The following RBMS2 variants were observed in gnomAD, a reference collection of about 807,000 sequenced individuals.
RBMS2 encodes the protein RNA-binding motif, single-stranded-interacting protein 2.
RBMS2 carries 38 observed loss-of-function variants against 58.4 expected under a neutral mutation model. The observed-to-expected ratio is 0.65, with a 90% CI of 0.50 to 0.85. The LOEUF is 0.85. Ranked by LOEUF, RBMS2 falls within the 40% of genes least tolerant of loss-of-function variation. The probability of loss-of-function intolerance (pLI) is 0.00; values close to 1 mark genes in which losing one functional copy is unlikely to be tolerated. For missense variants in RBMS2, 367 were observed against 503.7 expected, an observed-to-expected ratio of 0.73 and a Z score of 2.60; for synonymous variants, 151 against 180.7, an observed-to-expected ratio of 0.84 and a Z score of 1.32.
intron 1 of RBMS2, among the ~76,000 whole-genome samples, chr12:56,547,582 GAATT>G (rs982259003): frequency 6.6e-6 from 1 of 151,622 alleles, no homozygotes; most frequent in African/African-American, 2.4e-5. Flanking sequence ...TCACCCTCAG[GAATT>G]AATTGTGTCT....
At chr12:56,534,498 A>G (rs1874383297) in intron 1 of RBMS2, among the ~76,000 whole-genome samples, 1 of 152,102 alleles carries the variant, frequency 6.6e-6, no homozygotes, top group Non-Finnish European at 1.5e-5. Flanking sequence ...TTTGTCATAG[A>G]TTTACATCCT....
intron 5 of RBMS2, among the ~76,000 whole-genome samples, chr12:56,579,148 C>T (rs1445925031): frequency 2.0e-5 from 3 of 152,072 alleles, no homozygotes; most frequent in South Asian, 4.1e-4. Flanking sequence ...GATCATTAGC[C>T]GTCAGGAGCT....
chr12:56,581,115 T>C lies in RBMS2; in HGVS notation c.543-69T>C, dbSNP rs933315078. ...GGGGCTGGGAACTTAGAGCTTTGCT[T>C]TCTCTTTCAATGTGTGGAGAGCACA... is the stretch of plus-strand genomic sequence containing the variant. On this transcript the variant is annotated intron_variant, in intron 5 of 13. Coordinates refer to ENST00000262031, the MANE Select transcript of RBMS2 (RefSeq NM_002898.4). 3.8e-6 allele frequency: 5 copies of C among 1,318,438 alleles called. No homozygotes were observed. In the Admixed American group the frequency reaches 8.5e-5, roughly 23 times the overall value. The allele number at this position is 1,318,438 out of a possible 1,614,324, so 81.7% of individuals were successfully genotyped here.
intron 2 of RBMS2, among the ~76,000 whole-genome samples, chr12:56,564,810 C>G (rs1286445993): frequency 6.6e-6 from 1 of 152,136 alleles, no homozygotes; most frequent in Non-Finnish European, 1.5e-5. Context: ...CCCGTCTGTA[C>G]TAAAACTACA....
intron 2 of RBMS2, among the ~76,000 whole-genome samples, chr12:56,567,557 C>T (rs58084708): frequency 0.073 from 11,083 of 152,150 alleles, 633 homozygotes; most frequent in African/African-American, 0.14. Flanking sequence ...TTTCTTAGAG[C>T]TGGGCATGGT....
rs576246682 is a variant in RBMS2, at chr12:56,595,378, T to A, written c.*6245T>A. ...GGGTGGGTAAACACCTCTTTGCATG[T>A]GGACAGAAAATGTTTATACTTAAAC... On this transcript the variant is annotated 3_prime_UTR_variant, in exon 14 of 14. Coordinates refer to ENST00000262031, the MANE Select transcript of RBMS2 (RefSeq NM_002898.4). The A allele has an allele frequency of 6.6e-6, 1 of 152,174 alleles. No homozygotes were observed. 9.4% of individuals were successfully genotyped at this position (152,174 alleles called of 1,614,324 possible).
intron 12 of RBMS2, 85 bp from the exon 13 acceptor site, chr12:56,588,847 T>TGTAG: frequency 7.6e-7 from 1 of 1,316,716 alleles, no homozygotes; most frequent in South Asian, 1.2e-5. Flanking sequence ...GGGCACTCGA[T>TGTAG]GTAGGGTGGG....
intron 1 of RBMS2, among the ~76,000 whole-genome samples, chr12:56,526,255 C>T (rs1040487931): frequency 1.8e-4 from 28 of 151,570 alleles, no homozygotes; most frequent in African/African-American, 6.3e-4. Context: ...TGCAGTGAGC[C>T]GAGATTGTGC....
intron 1 of RBMS2, among the ~76,000 whole-genome samples, chr12:56,538,157 C>G (rs1217735434): frequency 6.6e-6 from 1 of 152,068 alleles, no homozygotes; most frequent in South Asian, 2.1e-4. Context: ...CTCAGCCTCC[C>G]GGGTAGCTGG....
chr12:56,590,535 A>G lies in RBMS2; in HGVS notation c.*1402A>G, dbSNP rs900117089. ...ATATTGCCAAGACTGGGAAACACTG[A>G]TATAGACAGTGTTGTCCCTGCCTCC... On this transcript the variant is annotated 3_prime_UTR_variant, in exon 14 of 14. Transcript: ENST00000262031. 7 of 152,142 alleles carry G rather than the reference A, an allele frequency of 4.6e-5. No homozygotes were observed. The highest frequency in any genetic ancestry group is 1.7e-4 in the African/African-American group (7 of 41,376). The allele number at this position is 152,142 out of a possible 1,614,324, so 9.4% of individuals were successfully genotyped here.
intron 1 of RBMS2, among the ~76,000 whole-genome samples, chr12:56,522,320 A>G (rs539307551): frequency 1.3e-5 from 2 of 152,224 alleles, no homozygotes; most frequent in African/African-American, 2.4e-5. Flanking sequence ...CAGGGGAATT[A>G]AAAACAAATC....
chr12:56,562,310 T>C (rs1434434704), intron 1 of RBMS2, 107 bp from the exon 2 acceptor site: 11 of 1,086,984 alleles, frequency 1.0e-5, no homozygotes. Context: ...TGCACATTTG[T>C]GATTATATAT....
chr12:56,548,507 G>A lies in RBMS2; in HGVS notation c.67-13910G>A, dbSNP rs1000842285. Among the ~76,000 whole-genome samples, 5 of 152,260 alleles carry A rather than the reference G, an allele frequency of 3.3e-5. No individual in the cohort carries two copies. The East Asian group carries it at 7.7e-4, about 24-fold the overall frequency. On this transcript the variant is annotated intron_variant, in intron 1 of 13. Coordinates refer to ENST00000262031, the MANE Select transcript of RBMS2 (RefSeq NM_002898.4). ...ACTGAAATAGTGCAAAGGATCTCAT[G>A]GGTAATTATTATGGGGTCTGTTACT...
intron 9 of RBMS2, 134 bp downstream of exon 9, chr12:56,582,286 G>A (rs946197767): frequency 4.4e-5 from 33 of 757,128 alleles, no homozygotes; most frequent in Admixed American, 2.4e-4. Context: ...ACATAACAGC[G>A]TAAAAGATGA....
intron 1 of RBMS2, among the ~76,000 whole-genome samples, chr12:56,528,291 A>T (rs2136239508): frequency 6.6e-6 from 1 of 151,914 alleles, no homozygotes; most frequent in Admixed American, 6.6e-5. Context: ...ATAAAATTAT[A>T]ATGCTGGAAG....
chr12:56,526,616 G>A (rs1191681640), intron 1 of RBMS2, among the ~76,000 whole-genome samples: 1 of 97,358 alleles, frequency 1.0e-5, no homozygotes, highest in Non-Finnish European at 2.0e-5. Context: ...ATAATTTTGT[G>A]TTTTTTTTTT....
At chr12:56,587,736 A>G in intron 11 of RBMS2, 72 bp downstream of exon 11, 1 of 1,496,554 alleles carries the variant, frequency 6.7e-7, no homozygotes, top group Non-Finnish European at 9.1e-7. Context: ...TCTTCAGCGT[A>G]AGTAACTTAT....
chr12:56,552,215 T>A (rs1405985508), intron 1 of RBMS2, among the ~76,000 whole-genome samples: 1 of 152,222 alleles, frequency 6.6e-6, no homozygotes, highest in African/African-American at 2.4e-5. Flanking sequence ...GATTTTTTTG[T>A]GTGAAATGCA....
intron 1 of RBMS2, 130 bp downstream of exon 1, chr12:56,522,219 G>C: frequency 1.4e-6 from 1 of 698,700 alleles, no homozygotes; most frequent in Non-Finnish European, 2.3e-6. Context: ...TCCTCACCGC[G>C]CTTCTCCCTT....
Sources: allele counts gnomAD v4.1 joint callset (sites outside exome capture counted in the v4.1 genomes callset), GRCh38; gene constraint gnomAD v4.1.1; transcripts MANE v1.5; gene names NCBI Gene and HGNC (gene_info 2026-07-23, HGNC 2026-07-21).